The following HNF4G variants were observed in gnomAD, a reference collection of about 807,000 sequenced individuals.
HNF4G encodes hepatocyte nuclear factor 4 gamma, also known as hepatocyte nuclear factor 4-gamma.
Under a neutral mutation model 50.9 loss-of-function variants are expected in HNF4G, and 21 were observed. The observed-to-expected ratio is 0.41, with a 90% confidence interval of 0.29 to 0.59. HNF4G has a LOEUF of 0.59. Among genes scored for constraint, HNF4G ranks in the 20% least tolerant of loss-of-function variants. HNF4G has a pLI of 0.26. For synonymous variants in HNF4G, 198 were observed against 185.6 expected, an observed-to-expected ratio of 1.07 and a Z score of -0.54; for missense variants, 527 against 559.4, an observed-to-expected ratio of 0.94 and a Z score of 0.58.
At chr8:75,553,231 A>G in intron 5 of HNF4G, 34 bp downstream of exon 5, 1 of 1,559,026 alleles carries the variant, frequency 6.4e-7, no homozygotes, top group Non-Finnish European at 8.8e-7. Flanking sequence ...TGCTTTAAAA[A>G]TGCTTCTTGA....
At chr8:75,414,934 C>A (rs1464609107) in intron 1 of HNF4G, among the ~76,000 whole-genome samples, 4 of 152,132 alleles carry the variant, frequency 2.6e-5, no homozygotes, top group Admixed American at 2.6e-4. Context: ...GGATCATAGG[C>A]AAAGAATTAC....
intron 2 of HNF4G, among the ~76,000 whole-genome samples, chr8:75,517,630 C>T (rs1426112962): frequency 1.3e-5 from 2 of 152,174 alleles, no homozygotes; most frequent in Non-Finnish European, 2.9e-5. Context: ...CACTCTTATA[C>T]AAGAGGTGGG....
intron 1 of HNF4G, among the ~76,000 whole-genome samples, chr8:75,420,730 C>T (rs1810756172): frequency 6.6e-6 from 1 of 152,154 alleles, no homozygotes; most frequent in Non-Finnish European, 1.5e-5. Flanking sequence ...ACTGAGTAGA[C>T]CCAGCTGACT....
At chr8:75,503,619 G>T (rs1323311501) in intron 2 of HNF4G, among the ~76,000 whole-genome samples, 2 of 152,160 alleles carry the variant, frequency 1.3e-5, no homozygotes, top group Non-Finnish European at 2.9e-5. Context: ...GAGGTTTGTT[G>T]TATGTTAGAG....
rs573298934 is a variant in HNF4G at position 75,565,563 on chromosome 8, A to G, written c.*1467A>G. Reference sequence around the variant, plus strand: ...ATCACTTAAAGCTGGAGTTTATTTTAAAACAAATGAAGCATGGGCCACCTC... The same window carrying G: ...ATCACTTAAAGCTGGAGTTTATTTTGAAACAAATGAAGCATGGGCCACCTC... On this transcript the variant is annotated 3_prime_UTR_variant, in exon 10 of 10. Coordinates refer to ENST00000396423, the MANE Select transcript of HNF4G (RefSeq NM_004133.5). The G allele has an allele frequency of 6.6e-6, 1 of 152,234 alleles. No homozygotes were observed. The highest frequency in any genetic ancestry group is 6.5e-5 in the Admixed American group (1 of 15,280). The allele number at this position is 152,234 out of a possible 1,614,324, so 9.4% of individuals were successfully genotyped here. A position where few individuals can be genotyped will look rare whatever the true frequency, so the allele number is the denominator to read the frequency against.
chr8:75,454,025 T>TTA (rs1811653636), intron 1 of HNF4G, among the ~76,000 whole-genome samples: 1 of 133,836 alleles, frequency 7.5e-6, no homozygotes, highest in Non-Finnish European at 1.6e-5. Flanking sequence ...AAGAAGAAAT[T>TTA]TCTCTCTCTC....
chr8:75,445,163 C>T (rs1585849350), intron 1 of HNF4G, among the ~76,000 whole-genome samples: 1 of 126,840 alleles, frequency 7.9e-6, no homozygotes, highest in Non-Finnish European at 1.6e-5. Context: ...ACTGAACAAC[C>T]TGCTCCTGAA....
intron 1 of HNF4G, among the ~76,000 whole-genome samples, chr8:75,464,229 T>TTC (rs1190426387): frequency 4.1e-5 from 5 of 122,374 alleles, no homozygotes; most frequent in African/African-American, 1.7e-4. Context: ...TGAAAATGGA[T>TTC]TCTCTCTCTT....
intron 1 of HNF4G, among the ~76,000 whole-genome samples, chr8:75,468,217 T>C (rs2130625191): frequency 6.6e-6 from 1 of 152,308 alleles, no homozygotes; most frequent in East Asian, 1.9e-4. Context: ...TTCAGTCCTT[T>C]TCATTGGTTT....
At position 75,500,719 on chromosome 8, in the gene HNF4G, A is replaced by G. The variant is rs146467763; in HGVS notation, c.-24+10511A>G. ...AGTGTTGATACCTATTACAACATGG[A>G]TTAGCCTTGAAAACATTACACTAAG... is the stretch of plus-strand genomic sequence containing the variant. On this transcript the variant is annotated intron_variant, in intron 2 of 10. Transcript: ENST00000354370. Among the ~76,000 whole-genome samples the G allele has an allele frequency of 8.4e-3, 1,280 of 152,296 alleles. 13 individuals are homozygous for G. Among genetic ancestry groups the G allele is most frequent in the South Asian group, 0.029 (139 of 4,830 alleles).
chr8:75,423,443 G>C (rs1585829613), intron 1 of HNF4G, among the ~76,000 whole-genome samples: 2 of 141,830 alleles, frequency 1.4e-5, no homozygotes, highest in African/African-American at 5.3e-5. Context: ...TCAACTTCCC[G>C]GGTTCAAGCA....
chr8:75,520,259 T>C (rs940765160), intron 2 of HNF4G, among the ~76,000 whole-genome samples: 2 of 152,138 alleles, frequency 1.3e-5, no homozygotes, highest in Admixed American at 1.3e-4. Flanking sequence ...AACAGTGTCT[T>C]GAATATAGAA....
chr8:75,550,700 CTTT>C (rs34842850), intron 3 of HNF4G, among the ~76,000 whole-genome samples: 7 of 147,776 alleles, frequency 4.7e-5, no homozygotes, highest in African/African-American at 5.0e-5. Context: ...TTACATTACT[CTTT>C]TTTTTTTTTT....
At chr8:75,418,878 C>A (rs534205440) in intron 1 of HNF4G, among the ~76,000 whole-genome samples, 2 of 152,136 alleles carry the variant, frequency 1.3e-5, no homozygotes, top group African/African-American at 4.8e-5. Flanking sequence ...CAGGCATGAG[C>A]CAGCATGCTT....
chr8:75,488,345 C>T (rs1812541250), intron 1 of HNF4G, among the ~76,000 whole-genome samples: 1 of 152,242 alleles, frequency 6.6e-6, no homozygotes, highest in Non-Finnish European at 1.5e-5. Flanking sequence ...GTGTTCTTGG[C>T]TCACTGCAAC....
chr8:75,560,332 T>C lies in HNF4G; in HGVS notation c.1124-12T>C, dbSNP rs756680607. The C allele has an allele frequency of 6.8e-6, 11 of 1,611,944 alleles. No homozygotes were observed. Among genetic ancestry groups the C allele is most frequent in the Non-Finnish European group, 9.3e-6 (11 of 1,178,648 alleles). On this transcript the variant is annotated splice_polypyrimidine_tract_variant and intron_variant, in intron 8 of 9. Transcript: ENST00000396423. ...AAATATCACTAACACAGCATCTTTTTATCTTTTGTAGGGGCTTCCAATGAT... is the reference window on the plus strand; with the variant it reads ...AAATATCACTAACACAGCATCTTTTCATCTTTTGTAGGGGCTTCCAATGAT...
intron 2 of HNF4G, among the ~76,000 whole-genome samples, chr8:75,524,373 C>A (rs1004238350): frequency 2.0e-5 from 3 of 152,166 alleles, no homozygotes; most frequent in Non-Finnish European, 4.4e-5. Context: ...TGCCCAAGCT[C>A]ATCTTCCTTA....
intron 1 of HNF4G, among the ~76,000 whole-genome samples, chr8:75,540,471 T>C (rs1413080226): frequency 6.6e-6 from 1 of 152,200 alleles, no homozygotes; most frequent in African/African-American, 2.4e-5. Context: ...AAAGTTTCCA[T>C]AGAACATTAG....
chr8:75,548,731 A>G (rs1806861129), intron 3 of HNF4G, among the ~76,000 whole-genome samples: 1 of 152,326 alleles, frequency 6.6e-6, no homozygotes, highest in South Asian at 2.1e-4. Flanking sequence ...GTTTTTCACA[A>G]CTATTTCACA....
Sources: allele counts gnomAD v4.1 joint callset (sites outside exome capture counted in the v4.1 genomes callset), GRCh38; gene constraint gnomAD v4.1.1; transcripts MANE v1.5; gene names NCBI Gene and HGNC (gene_info 2026-07-23, HGNC 2026-07-21).